Variants in PXK observed in about 807,000 individuals in gnomAD.
The protein encoded by PXK is PX domain containing serine/threonine kinase like, also known as PX domain-containing protein kinase-like protein.
In PXK, 35 loss-of-function variants were observed where a neutral mutation model predicts 84.7. The observed-to-expected ratio is 0.41, with a 90% CI of 0.32 to 0.55. The LOEUF is 0.55. Ranked by LOEUF, PXK falls within the 20% of genes least tolerant of loss-of-function variation. PXK has a pLI of 0.21. For synonymous variants in PXK, 253 were observed against 260.8 expected (o/e 0.97, Z 0.29); for missense variants, 634 against 699.7 (o/e 0.91, Z 1.06).
intron 7 of PXK, among the ~76,000 whole-genome samples, chr3:58,393,092 TA>T (rs2098647687): frequency 6.6e-6 from 1 of 151,654 alleles, no homozygotes; most frequent in Admixed American, 6.6e-5. Flanking sequence ...CTCATGCCTG[TA>T]ATCCCAGCAC....
chr3:58,403,984 C>A (rs2059008491), intron 13 of PXK, 74 bp downstream of exon 13: 8 of 1,089,720 alleles, frequency 7.3e-6, no homozygotes, highest in African/African-American at 3.2e-5. Flanking sequence ...TATTTTTAGC[C>A]AAAAAAAGAA....
chr3:58,344,067 G>A (rs928899666), intron 1 of PXK, among the ~76,000 whole-genome samples: 1 of 152,176 alleles, frequency 6.6e-6, no homozygotes, highest in Non-Finnish European at 1.5e-5. Context: ...ATGGCTTAAT[G>A]ACCTTGGACA....
At chr3:58,402,264 C>G (rs535575233) in intron 12 of PXK, among the ~76,000 whole-genome samples, 2 of 132,694 alleles carry the variant, frequency 1.5e-5, no homozygotes, top group Non-Finnish European at 3.2e-5. Flanking sequence ...CCCTCCCCCT[C>G]TCTCTCCCCC....
intron 1 of PXK, among the ~76,000 whole-genome samples, chr3:58,335,099 C>T (rs1353020773): frequency 4.0e-5 from 6 of 151,388 alleles, no homozygotes; most frequent in Non-Finnish European, 5.9e-5. Context: ...TGGTCTGGAA[C>T]GCCTGGGCTC....
intron 3 of PXK, among the ~76,000 whole-genome samples, chr3:58,375,336 T>C (rs918948930): frequency 6.6e-6 from 1 of 152,172 alleles, no homozygotes; most frequent in African/African-American, 2.4e-5. Flanking sequence ...CTTTTCTTTC[T>C]TTAATTGAAA....
intron 3 of PXK, among the ~76,000 whole-genome samples, chr3:58,381,687 C>T (rs1250296311): frequency 1.3e-5 from 2 of 151,622 alleles, no homozygotes; most frequent in East Asian, 1.9e-4. Context: ...ATAATGATGT[C>T]AGGAGGATTA....
At position 58,425,192 on chromosome 3, in the gene PXK, G is replaced by A; in HGVS notation, c.*232G>A. ...TTGCTCCTTTATTAACCCTGTAAAGGAGTCTTGTTTATCCTCTAATGGCCA... is the reference window on the plus strand; with the variant it reads ...TTGCTCCTTTATTAACCCTGTAAAGAAGTCTTGTTTATCCTCTAATGGCCA... On this transcript the variant is annotated 3_prime_UTR_variant, in exon 18 of 18. Coordinates refer to ENST00000356151, the MANE Select transcript of PXK (RefSeq NM_017771.5). 1.1e-5 allele frequency: 6 copies of A among 567,116 alleles called. No homozygotes were observed. The South Asian group carries it at 1.3e-4, about 12-fold the overall frequency. 35.1% of individuals were successfully genotyped at this position (567,116 alleles called of 1,614,324 possible). A position where few individuals can be genotyped will look rare whatever the true frequency, so the allele number is the denominator to read the frequency against.
chr3:58,336,053 ATATATATATATATATATATT>A (rs1410497777), intron 1 of PXK, among the ~76,000 whole-genome samples: 1 of 61,232 alleles, frequency 1.6e-5, no homozygotes, highest in East Asian at 4.8e-4. Flanking sequence ...ATATATATAT[ATATATATATATATATATATT>A]TTTTTTTTTT....
chr3:58,422,588 C>A, intron 17 of PXK: 1 of 985,408 alleles, frequency 1.0e-6, no homozygotes, highest in Non-Finnish European at 1.2e-6. Flanking sequence ...AGTGGAAAAT[C>A]CATGTACTGA....
intron 1 of PXK, among the ~76,000 whole-genome samples, chr3:58,362,872 C>T (rs757555600): frequency 3.9e-5 from 6 of 152,116 alleles, no homozygotes; most frequent in Non-Finnish European, 7.4e-5. Context: ...TACCACCATG[C>T]CCGGCTAATT....
Position 58,385,758 on chromosome 3 carries a change from C to T in PXK, c.388+3058C>T, listed in dbSNP as rs1403228937. 6.6e-6 allele frequency among the ~76,000 whole-genome samples: 1 copy of T among 152,160 alleles called. No homozygotes were observed. Among genetic ancestry groups the T allele is most frequent in the African/African-American group, 2.4e-5 (1 of 41,434 alleles). On this transcript the variant is annotated intron_variant, in intron 4 of 17. Coordinates refer to ENST00000356151, the MANE Select transcript of PXK (RefSeq NM_017771.5). This position sits in a 1 kb window ranked among gnomAD's most constrained non-coding sequence, Gnocchi z 5.1. ...AAATGATCTGCCCACCTCAGCCTCC[C>T]AAAGTGCTGGGATTACAGGCATGAG...
Position 58,409,942 on chromosome 3 carries a change from C to T in PXK, c.1396-148C>T. On this transcript the variant is annotated intron_variant, in intron 15 of 17. Transcript: ENST00000356151. The surrounding 1 kb of genome is among the most constrained non-coding windows in gnomAD (Gnocchi z 4.2). ...TTTAGTTTTGGCTGTGACTTCTTCA[C>T]TGTGTTAAGTTATGGGGCTGAATAT... 1 of 614,342 alleles carries T rather than the reference C, an allele frequency of 1.6e-6. No homozygotes were observed. Among genetic ancestry groups the T allele is most frequent in the Non-Finnish European group, 2.8e-6 (1 of 351,784 alleles). 38.1% of individuals were successfully genotyped at this position (614,342 alleles called of 1,614,324 possible).
chr3:58,398,127 A>G lies in PXK; in HGVS notation c.1102+405A>G, dbSNP rs2057995940. ...TTGTAAGAAACAAGAGAGGCCAGGCATGGTGGCTCACACCTGTAATCCCAG... is the reference window on the plus strand; with the variant it reads ...TTGTAAGAAACAAGAGAGGCCAGGCGTGGTGGCTCACACCTGTAATCCCAG... On this transcript the variant is annotated intron_variant, in intron 11 of 17. Coordinates refer to ENST00000356151, the MANE Select transcript of PXK (RefSeq NM_017771.5). The surrounding 1 kb of genome is among the most constrained non-coding windows in gnomAD (Gnocchi z 4.5). Among the ~76,000 whole-genome samples, 1 of 152,198 alleles carries G rather than the reference A, an allele frequency of 6.6e-6. No homozygotes were observed. Among genetic ancestry groups the G allele is most frequent in the Non-Finnish European group, 1.5e-5 (1 of 68,034 alleles).
chr3:58,395,454 C>A (rs937130474), intron 8 of PXK, among the ~76,000 whole-genome samples: 1 of 152,226 alleles, frequency 6.6e-6, no homozygotes. Context: ...CCAGGCACAT[C>A]TTCACTGGGC....
intron 17 of PXK, chr3:58,420,684 A>G: frequency 6.6e-7 from 1 of 1,512,320 alleles, no homozygotes; most frequent in Non-Finnish European, 8.8e-7. Context: ...AGCAGATTTG[A>G]GACTATTTCC....
intron 13 of PXK, among the ~76,000 whole-genome samples, chr3:58,404,234 G>T (rs963297274): frequency 6.6e-6 from 1 of 152,174 alleles, no homozygotes; most frequent in Middle Eastern, 3.2e-3. Context: ...GGAAGCAGTG[G>T]TGTTATGTGT....
intron 1 of PXK, among the ~76,000 whole-genome samples, chr3:58,361,479 A>G (rs1398071740): frequency 6.6e-6 from 1 of 152,098 alleles, no homozygotes; most frequent in Non-Finnish European, 1.5e-5. Context: ...TTCTGTAGCT[A>G]CACTGCTTCC....
At chr3:58,420,443 AT>A in intron 17 of PXK, 2 of 1,444,308 alleles carry the variant, frequency 1.4e-6, no homozygotes, top group Non-Finnish European at 1.9e-6. Flanking sequence ...TCAGACTAAT[AT>A]TTTACTGTCT....
At chr3:58,408,592 G>T (rs552929038) in intron 13 of PXK, among the ~76,000 whole-genome samples, 1 of 150,704 alleles carries the variant, frequency 6.6e-6, no homozygotes, top group African/African-American at 2.5e-5. Context: ...GCGTGATCTC[G>T]GCTCTCTGCA....
Sources: gnomAD v4.1 joint callset for allele counts (sites outside exome capture counted in the v4.1 genomes callset) on GRCh38, gnomAD v4.1.1 for gene constraint, Gnocchi (gnomAD v3.1) non-coding constraint, MANE v1.5 for transcripts, NCBI Gene and HGNC (gene_info 2026-07-23, HGNC 2026-07-21) for gene names.